Variants in ARMC5 observed in about 807,000 individuals in gnomAD.
ARMC5 encodes armadillo repeat-containing protein 5.
ARMC5 carries 28 observed loss-of-function variants against 60.5 expected under a neutral mutation model. That is an observed-to-expected ratio of 0.46 (90% CI 0.34 to 0.63). ARMC5 has a LOEUF of 0.63. ARMC5 is among the 30% of genes least tolerant of loss of function. ARMC5 has a pLI of 0.01. For synonymous variants in ARMC5, 680 were observed against 607.3 expected (o/e 1.12, Z -1.76); for missense variants, 1,189 against 1,304.9 (o/e 0.91, Z 1.37).
In ARMC5 at chr16:31,464,569, G is replaced by A. The variant is rs1372944966; in HGVS notation, c.1546G>A (p.Glu516Lys). 4 of 1,583,742 alleles carry A rather than the reference G, an allele frequency of 2.5e-6. No homozygotes were observed. The highest frequency in any genetic ancestry group is 1.3e-5 in the African/African-American group (1 of 74,390). ...GGGCCGCAGCCCCGCCGCCGCCATC[G>A]AGGAGCCTTGGGGACGCGAAGGGCC... The part of the protein sequence containing the change: ...TPGRSPAAAI[E>K]EPWGREGPAL... Residue 516 changes from glutamate to lysine, a missense_variant, in exon 4 of 6, where the codon GAG (glutamate) becomes AAG (lysine). Transcript: ENST00000268314. This position sits in a 1 kb window ranked among gnomAD's most constrained non-coding sequence, Gnocchi z 7.6.
Position 31,463,698 on chromosome 16 carries a change from A to G in ARMC5, c.1371-696A>G, listed in dbSNP as rs528637963. 4.9e-4 allele frequency among the ~76,000 whole-genome samples: 74 copies of G among 152,076 alleles called. 1 individual carries two copies. Among genetic ancestry groups the G allele is most frequent in the African/African-American group, 1.7e-3 (69 of 41,506 alleles). On this transcript the variant is annotated intron_variant, in intron 3 of 5. Coordinates refer to ENST00000268314, the MANE Select transcript of ARMC5 (RefSeq NM_001105247.2). Reference sequence around the variant, plus strand: ...GTAGGGATTACAGATGTGAGCCACCATGCCCAGCCCCCAGCGCTTCCTATT... The same window carrying G: ...GTAGGGATTACAGATGTGAGCCACCGTGCCCAGCCCCCAGCGCTTCCTATT...
chr16:31,461,294 T>C (rs1304243787), intron 1 of ARMC5, among the ~76,000 whole-genome samples: 1 of 152,134 alleles, frequency 6.6e-6, no homozygotes, highest in East Asian at 1.9e-4. Context: ...GTCACTCCCC[T>C]TCATAAAACC....
At chr16:31,460,484 T>C (rs778132505) in intron 1 of ARMC5, among the ~76,000 whole-genome samples, 4 of 152,076 alleles carry the variant, frequency 2.6e-5, no homozygotes, top group Non-Finnish European at 5.9e-5. Flanking sequence ...AATAGCTACC[T>C]AAAAAAATCA....
chr16:31,458,360 G>A (rs2082264596), upstream of ARMC5: 7 of 1,525,664 alleles, frequency 4.6e-6, no homozygotes, highest in Admixed American at 2.0e-5. Flanking sequence ...GACGCTGAAA[G>A]TCTTACCACA....
At chr16:31,465,173 G>A (rs1220297527) in intron 4 of ARMC5, 1 of 1,606,778 alleles carries the variant, frequency 6.2e-7, no homozygotes, top group Non-Finnish European at 8.5e-7. Flanking sequence ...TTCTTTCCTG[G>A]CTCTGCCATT....
At chr16:31,458,860 G>A (rs2142559053), upstream of ARMC5, 3 of 1,535,318 alleles carry the variant, frequency 2.0e-6, no homozygotes, top group Non-Finnish European at 2.6e-6. Flanking sequence ...CTAGATGCCA[G>A]CTCCTGAGCT....
At chr16:31,460,827 TAGCAAAACATA>T (rs2082298203) in intron 1 of ARMC5, among the ~76,000 whole-genome samples, 1 of 152,178 alleles carries the variant, frequency 6.6e-6, no homozygotes, top group Non-Finnish European at 1.5e-5. Context: ...GAACAAATCC[TAGCAAAACATA>T]AGCTTTTCTG....
chr16:31,466,652 C>T lies in ARMC5; in HGVS notation c.2571C>T (p.Arg857=), dbSNP rs768569687. 21 of 1,588,242 alleles carry T rather than the reference C, an allele frequency of 1.3e-5. No homozygotes were observed. The highest frequency in any genetic ancestry group is 1.8e-5 in the Non-Finnish European group (21 of 1,167,702). The change falls in exon 6 of 6, where the codon CGC becomes CGT. Residue 857 remains arginine (R), a synonymous_variant. Transcript: ENST00000268314. This position sits in a 1 kb window ranked among gnomAD's most constrained non-coding sequence, Gnocchi z 8.0. ...LEEELEEAVG[R]IHLGPQGGPE... ...AGGAGCTGGAAGAGGCCGTGGGCCG[C>T]ATCCACCTGGGACCCCAGGGTGGCC...
intron 3 of ARMC5, among the ~76,000 whole-genome samples, chr16:31,463,942 C>T (rs2082326930): frequency 6.6e-6 from 1 of 152,190 alleles, no homozygotes; most frequent in Admixed American, 6.5e-5. Flanking sequence ...CCCCCTCTCA[C>T]TTCCGTTTCT....
chr16:31,464,514 G>T lies in ARMC5; in HGVS notation c.1491G>T (p.Ser497=), dbSNP rs767370525. ...EPASPAPTPT[S]LRAPRTQRTP... ...CCAGCCCCGCCCCGACCCCGACCTC[G>T]CTGCGGGCACCACGCACCCAACGCA... is the stretch of plus-strand genomic sequence containing the variant. Residue 497 remains serine (S), a synonymous_variant, in exon 4 of 6, where the codon TCG becomes TCT. Transcript: ENST00000268314. The surrounding 1 kb of genome is among the most constrained non-coding windows in gnomAD (Gnocchi z 7.6). 1.9e-6 allele frequency: 3 copies of T among 1,604,034 alleles called. No individual in the cohort carries two copies. Among genetic ancestry groups the T allele is most frequent in the Non-Finnish European group, 2.6e-6 (3 of 1,176,044 alleles).
In ARMC5 at chr16:31,465,958, C is replaced by T. The variant is rs1401837338; in HGVS notation, c.1973C>T (p.Ala658Val). ...SGSPEDRVAC[A>V]LTLPFICRKP... ...AGCCCTGAGGACCGAGTGGCCTGCG[C>T]GCTGACCCTGCCCTTCATCTGCCGG... Residue 658 changes from alanine to valine, a missense_variant, in exon 5 of 6, where the codon GCG becomes GTG. Around this residue, in one of 2 missense-constraint regions of ARMC5, gnomAD observed 862 missense variants for 1,071.2 expected, o/e 0.80. Coordinates refer to ENST00000268314, the MANE Select transcript of ARMC5 (RefSeq NM_001105247.2). 17 of 1,605,152 alleles carry T rather than the reference C, an allele frequency of 1.1e-5. No homozygotes were observed. The highest frequency in any genetic ancestry group is 3.3e-5 in the South Asian group (3 of 91,058).
At chr16:31,458,840 T>A, upstream of ARMC5, 1 of 1,534,274 alleles carries the variant, frequency 6.5e-7, no homozygotes, top group East Asian at 2.4e-5. Flanking sequence ...AGTGAAGAAC[T>A]CCCCGTTTCC....
chr16:31,466,001 C>G lies in ARMC5; in HGVS notation c.1997+19C>G, dbSNP rs986023978. ...TCTGCCGGTGAGTGGGAAGTGGGTG[C>G]CTTGCGGGGTTGGGGGAGGAGTGCT... On this transcript the variant is annotated intron_variant, in intron 5 of 5. Transcript: ENST00000268314. The surrounding 1 kb of genome is among the most constrained non-coding windows in gnomAD (Gnocchi z 8.0). The G allele has an allele frequency of 2.0e-5, 32 of 1,598,772 alleles. No individual in the cohort carries two copies. The highest frequency in any genetic ancestry group is 2.7e-5 in the Non-Finnish European group (32 of 1,177,514).
intron 4 of ARMC5, 148 bp from the exon 5 acceptor site, chr16:31,465,702 C>T (rs529795592): frequency 5.1e-5 from 75 of 1,463,302 alleles, no homozygotes; most frequent in East Asian, 4.0e-4. Flanking sequence ...AGGTTCCCAG[C>T]GTCCCGAGCC....
At chr16:31,459,289 C>G (rs1028717365), upstream of ARMC5, 3 of 1,534,540 alleles carry the variant, frequency 2.0e-6, no homozygotes, top group African/African-American at 4.1e-5. Flanking sequence ...TCGACGCGGA[C>G]CACATCTCCC....
chr16:31,459,995 T>C lies in ARMC5; in HGVS notation c.471T>C (p.Pro157=). 6.3e-7 allele frequency: 1 copy of C among 1,595,614 alleles called. No individual in the cohort carries two copies. Among genetic ancestry groups the C allele is most frequent in the Middle Eastern group, 1.7e-4 (1 of 6,044 alleles). Residue 157 remains proline (P), a synonymous_variant, in exon 1 of 6, where the codon CCT becomes CCC. Coordinates refer to ENST00000268314, the MANE Select transcript of ARMC5 (RefSeq NM_001105247.2). ...TGCGCAGACTCGGAGGCATACTCCC[T>C]TTGGGTAAGTGCTCCGCCCCCGTTT... ...TEVRRLGGIL[P]LVTILQCMKT... is the part of the protein sequence containing the mutation.
In ARMC5 at chr16:31,462,614, G is replaced by A; in HGVS notation, c.1067G>A (p.Cys356Tyr). ...CTGGTGCGGGCTGTGTGCCTCCTAT[G>A]TCGTGAGGCCATCAACCGGGCCCGA... ...QPLVRAVCLL[C>Y]REAINRARLR... The change falls in exon 3 of 6, where the codon TGT becomes TAT. Residue 356 changes from cysteine (C) to tyrosine (Y), a missense_variant. Physicochemically the swap from Cys to Tyr is radical, Grantham distance 194 (BLOSUM62 -2). Transcript: ENST00000268314. This position sits in a 1 kb window ranked among gnomAD's most constrained non-coding sequence, Gnocchi z 7.2. The A allele has an allele frequency of 6.2e-7, 1 of 1,613,518 alleles. No individual in the cohort carries two copies. Among genetic ancestry groups the A allele is most frequent in the South Asian group, 1.1e-5 (1 of 91,076 alleles).
chr16:31,460,013 C>T lies in ARMC5; in HGVS notation c.475+14C>T, dbSNP rs776047628. On this transcript the variant is annotated intron_variant, in intron 1 of 5. Coordinates refer to ENST00000268314, the MANE Select transcript of ARMC5 (RefSeq NM_001105247.2). ...TACTCCCTTTGGGTAAGTGCTCCGC[C>T]CCCGTTTCCTAGAAAGATTAGGTTT... is the stretch of plus-strand genomic sequence containing the variant. 31 of 1,592,466 alleles carry T rather than the reference C, an allele frequency of 1.9e-5. No individual in the cohort carries two copies. The highest frequency in any genetic ancestry group is 2.5e-5 in the Non-Finnish European group (29 of 1,176,872).
intron 1 of ARMC5, among the ~76,000 whole-genome samples, chr16:31,460,835 CAT>C (rs1476519665): frequency 3.3e-5 from 5 of 152,160 alleles, no homozygotes; most frequent in Non-Finnish European, 5.9e-5. Flanking sequence ...CCTAGCAAAA[CAT>C]AAGCTTTTCT....
Sources: allele counts gnomAD v4.1 joint callset (sites outside exome capture counted in the v4.1 genomes callset), GRCh38; gene constraint gnomAD v4.1.1; regional missense constraint gnomAD v4.1.1; non-coding constraint Gnocchi (gnomAD v3.1); transcripts MANE v1.5; gene names NCBI Gene and HGNC (gene_info 2026-07-23, HGNC 2026-07-21).